The following FAM168B variants were observed in gnomAD, a reference collection of about 807,000 sequenced individuals.
The protein encoded by FAM168B is family with sequence similarity 168 member B.
Under a neutral mutation model 21.8 loss-of-function variants are expected in FAM168B, and 19 were observed. The observed-to-expected ratio is 0.87, with a 90% CI of 0.61 to 1.28. The LOEUF is 1.28. FAM168B is among the 50% of genes most tolerant of loss of function. The pLI, the probability that FAM168B is intolerant of heterozygous loss-of-function variation, is 0.00. For missense variants in FAM168B, 233 were observed against 263.1 expected, an observed-to-expected ratio of 0.89 and a Z score of 0.79; for synonymous variants, 126 against 104.8, an observed-to-expected ratio of 1.20 and a Z score of -1.24.
At position 131,048,881 on chromosome 2, in the gene FAM168B, T is replaced by C. The variant is rs1573731525; in HGVS notation, c.*3584A>G. ...GCTGCGCCCAATGGAGGTCCTGTCC[T>C]GTCCGGGCAACAGCCAAACTGGCGA... On this transcript the variant is annotated 3_prime_UTR_variant, in exon 7 of 7. Transcript: ENST00000389915. 1.0e-6 allele frequency: 1 copy of C among 986,050 alleles called. No homozygotes were observed. The highest frequency in any genetic ancestry group is 1.2e-6 in the Non-Finnish European group (1 of 830,088). The allele number at this position is 986,050 out of a possible 1,614,324, so 61.1% of individuals were successfully genotyped here.
intron 3 of FAM168B, among the ~76,000 whole-genome samples, chr2:131,067,865 G>C (rs1185253201): frequency 6.6e-6 from 1 of 152,134 alleles, no homozygotes; most frequent in Non-Finnish European, 1.5e-5. Context: ...AAAGGGAAAG[G>C]CTCACTGAAA....
intron 5 of FAM168B, among the ~76,000 whole-genome samples, chr2:131,054,850 G>A (rs775700035): frequency 1.3e-5 from 2 of 152,136 alleles, no homozygotes; most frequent in African/African-American, 2.4e-5. Flanking sequence ...TTCTATCAAC[G>A]CAAGACCAGC....
intron 1 of FAM168B, among the ~76,000 whole-genome samples, chr2:131,084,318 G>A (rs993995935): frequency 1.3e-5 from 2 of 150,484 alleles, no homozygotes. Context: ...GCCTCCCTAG[G>A]AGCTGGGACT....
At chr2:131,064,722 A>T (rs774313806) in intron 3 of FAM168B, among the ~76,000 whole-genome samples, 7 of 152,212 alleles carry the variant, frequency 4.6e-5, no homozygotes, top group Non-Finnish European at 8.8e-5. Flanking sequence ...CTCAGGCAGA[A>T]GGGAAAGGCA....
chr2:131,089,942 G>C (rs966005561), intron 1 of FAM168B, among the ~76,000 whole-genome samples: 5 of 151,834 alleles, frequency 3.3e-5, no homozygotes, highest in Admixed American at 6.6e-5. Context: ...CGAGGCAGGA[G>C]AATCACTTGA....
rs375086797 is a variant in FAM168B at position 131,049,416 on chromosome 2, G to A, written c.*3049C>T. ...GCCTACAAACCACACCAAGAAGAAC[G>A]TTCTTAACAGATGGCTCACGAGAGA... On this transcript the variant is annotated 3_prime_UTR_variant, in exon 7 of 7. Coordinates refer to ENST00000389915, the MANE Select transcript of FAM168B (RefSeq NM_001009993.4). 1.0e-4 allele frequency: 101 copies of A among 985,274 alleles called. No homozygotes were observed. The highest frequency in any genetic ancestry group is 1.2e-4 in the Non-Finnish European group (97 of 829,962). 61.0% of individuals were successfully genotyped at this position (985,274 alleles called of 1,614,324 possible).
intron 3 of FAM168B, among the ~76,000 whole-genome samples, chr2:131,069,409 A>G (rs1185045209): frequency 3.3e-5 from 5 of 152,230 alleles, no homozygotes; most frequent in Non-Finnish European, 7.3e-5. Context: ...GGTCACAGAC[A>G]TAAATGTAAA....
chr2:131,049,991 A>C lies in FAM168B; in HGVS notation c.*2474T>G, dbSNP rs1315076261. On this transcript the variant is annotated 3_prime_UTR_variant, in exon 7 of 7. Coordinates refer to ENST00000389915, the MANE Select transcript of FAM168B (RefSeq NM_001009993.4). ...CGTATCTGACAGCTGACGTCCTAAAAATTTCAAAGTCAGAAAGATTTCTGC... is the reference window on the plus strand; with the variant it reads ...CGTATCTGACAGCTGACGTCCTAAACATTTCAAAGTCAGAAAGATTTCTGC... 6 of 985,508 alleles carry C rather than the reference A, an allele frequency of 6.1e-6. No individual in the cohort carries two copies. The highest frequency in any genetic ancestry group is 1.1e-4 in the East Asian group (1 of 8,824). 61.0% of individuals were successfully genotyped at this position (985,508 alleles called of 1,614,324 possible).
At chr2:131,053,777 A>C (rs1287995833) in intron 5 of FAM168B, among the ~76,000 whole-genome samples, 1 of 152,190 alleles carries the variant, frequency 6.6e-6, no homozygotes, top group African/African-American at 2.4e-5. Flanking sequence ...CAGGAAGCTA[A>C]GGTGGGAGGA....
At chr2:131,088,200 C>A (rs1693812321) in intron 1 of FAM168B, among the ~76,000 whole-genome samples, 1 of 152,028 alleles carries the variant, frequency 6.6e-6, no homozygotes, top group Non-Finnish European at 1.5e-5. Flanking sequence ...GAGCTGAAAT[C>A]GCACCACTGC....
At chr2:131,092,480 T>C (rs1694082478) in intron 1 of FAM168B, among the ~76,000 whole-genome samples, 1 of 152,212 alleles carries the variant, frequency 6.6e-6, no homozygotes, top group African/African-American at 2.4e-5. Context: ...TACACAAGGA[T>C]GACCTGAAAG....
intron 3 of FAM168B, 95 bp downstream of exon 3, chr2:131,071,760 C>T: frequency 9.2e-7 from 1 of 1,090,766 alleles, no homozygotes; most frequent in Non-Finnish European, 1.4e-6. Flanking sequence ...TCGACTCAAC[C>T]AAGTCCTAAT....
rs1694070831 is a variant in FAM168B at position 131,092,225 on chromosome 2, C to A, written c.-12+989G>T. Among the ~76,000 whole-genome samples the A allele has an allele frequency of 1.3e-5, 2 of 151,792 alleles. 1 individual carries two copies. On this transcript the variant is annotated intron_variant, in intron 1 of 6. Coordinates refer to ENST00000389915, the MANE Select transcript of FAM168B (RefSeq NM_001009993.4). Reference sequence around the variant, plus strand: ...TTGGGTATAATTTCCCTTTAAACTACGGAACTCCACCAAAGTAAGCCTGCT... The same window carrying A: ...TTGGGTATAATTTCCCTTTAAACTAAGGAACTCCACCAAAGTAAGCCTGCT...
chr2:131,074,132 T>G (rs1000762652), intron 2 of FAM168B, among the ~76,000 whole-genome samples: 1 of 151,174 alleles, frequency 6.6e-6, no homozygotes, highest in African/African-American at 2.5e-5. Context: ...TTAGAAAGTA[T>G]TCTCTCTTTT....
chr2:131,067,682 C>G (rs577251532), intron 3 of FAM168B, among the ~76,000 whole-genome samples: 1 of 152,248 alleles, frequency 6.6e-6, no homozygotes, highest in African/African-American at 2.4e-5. Flanking sequence ...GTTCATGCCA[C>G]TGCACTCCAG....
chr2:131,092,200 T>G (rs559153135), intron 1 of FAM168B, among the ~76,000 whole-genome samples: 1 of 150,644 alleles, frequency 6.6e-6, no homozygotes, highest in Admixed American at 6.6e-5. Context: ...CTAAGACAAC[T>G]TGGGTATAAT....
intron 3 of FAM168B, among the ~76,000 whole-genome samples, chr2:131,057,425 T>C (rs1692081739): frequency 6.6e-6 from 1 of 152,138 alleles, no homozygotes; most frequent in African/African-American, 2.4e-5. Flanking sequence ...AGAGCAATGA[T>C]CCCGTTTATT....
Position 131,051,451 on chromosome 2 carries a change from C to A in FAM168B, c.*1014G>T. Reference sequence around the variant, plus strand: ...TGTTGGGGAAAAACAGCAATGCCTACCTGTTTTCAGCTGATTCAAACATTT... The same window carrying A: ...TGTTGGGGAAAAACAGCAATGCCTAACTGTTTTCAGCTGATTCAAACATTT... On this transcript the variant is annotated 3_prime_UTR_variant, in exon 7 of 7. Coordinates refer to ENST00000389915, the MANE Select transcript of FAM168B (RefSeq NM_001009993.4). The A allele has an allele frequency of 1.0e-6, 1 of 984,166 alleles. No individual in the cohort carries two copies. Among genetic ancestry groups the A allele is most frequent in the Non-Finnish European group, 1.2e-6 (1 of 829,820 alleles). 61.0% of individuals were successfully genotyped at this position (984,166 alleles called of 1,614,324 possible).
intron 1 of FAM168B, among the ~76,000 whole-genome samples, chr2:131,092,347 C>T (rs796174330): frequency 2.6e-5 from 4 of 151,866 alleles, no homozygotes; most frequent in African/African-American, 9.7e-5. Context: ...GCTGTCAAAG[C>T]AAAAATAACC....
Sources: allele counts gnomAD v4.1 joint callset (sites outside exome capture counted in the v4.1 genomes callset), GRCh38; gene constraint gnomAD v4.1.1; transcripts MANE v1.5; gene names NCBI Gene and HGNC (gene_info 2026-07-23, HGNC 2026-07-21).